The following EVL variants were observed in gnomAD, a reference collection of about 807,000 sequenced individuals.
EVL encodes ena/VASP-like protein.
EVL carries 21 observed loss-of-function variants against 59.6 expected under a neutral mutation model. The ratio of observed to expected loss-of-function variants is 0.35; its 90% CI spans 0.25 to 0.51. The LOEUF (loss-of-function observed/expected upper bound fraction) is 0.51. Ranked by LOEUF, EVL falls within the 20% of genes least tolerant of loss-of-function variation. The probability of loss-of-function intolerance (pLI) is 0.97; values close to 1 mark genes in which losing one functional copy is unlikely to be tolerated. For missense variants in EVL, 462 were observed against 546.6 expected, an observed-to-expected ratio of 0.85 and a Z score of 1.54; for synonymous variants, 198 against 203.5, an observed-to-expected ratio of 0.97 and a Z score of 0.23.
At position 100,054,346 on chromosome 14, in the gene EVL, C is replaced by T. The variant is rs2061694079; in HGVS notation, c.6-30341C>T. Among the ~76,000 whole-genome samples, 3 of 152,270 alleles carry T rather than the reference C, an allele frequency of 2.0e-5. No homozygotes were observed. In the South Asian group the frequency reaches 6.2e-4, roughly 32 times the overall value. Reference sequence around the variant, plus strand: ...GGGAATACAGGCGTGAGCCAGCGTGCCCGGCTGACGTTTTGACATCTTTAC... The same window carrying T: ...GGGAATACAGGCGTGAGCCAGCGTGTCCGGCTGACGTTTTGACATCTTTAC... On this transcript the variant is annotated intron_variant, in intron 1 of 13. Transcript: ENST00000402714.
At chr14:99,993,685 CTT>C (rs532512303) in intron 1 of EVL, among the ~76,000 whole-genome samples, 31 of 78,258 alleles carry the variant, frequency 4.0e-4, no homozygotes, top group Admixed American at 1.7e-3. Context: ...TTCTTTCTTT[CTT>C]TTTTTTTTTT....
At chr14:100,092,979 C>T (rs542033609) in intron 2 of EVL, among the ~76,000 whole-genome samples, 1 of 152,270 alleles carries the variant, frequency 6.6e-6, no homozygotes, top group African/African-American at 2.4e-5. Context: ...GCAGCCTCAC[C>T]CAAAAGTGGA....
At chr14:100,014,502 T>G (rs1439165073) in intron 1 of EVL, among the ~76,000 whole-genome samples, 1 of 152,248 alleles carries the variant, frequency 6.6e-6, no homozygotes, top group Admixed American at 6.5e-5. Context: ...ACTGTGTATA[T>G]GTACCACATT....
intron 10 of EVL, 25 bp downstream of exon 10, chr14:100,137,669 G>A: frequency 4.3e-6 from 7 of 1,614,176 alleles, no homozygotes; most frequent in Non-Finnish European, 5.9e-6. Flanking sequence ...GAAGGCCTGA[G>A]CAGCGAGGCT....
At chr14:99,980,971 C>A (rs2060802030) in intron 1 of EVL, among the ~76,000 whole-genome samples, 1 of 151,858 alleles carries the variant, frequency 6.6e-6, no homozygotes, top group Non-Finnish European at 1.5e-5. Flanking sequence ...TGTGGTGTCA[C>A]ATGCCTGTAA....
intron 1 of EVL, among the ~76,000 whole-genome samples, chr14:100,004,032 C>T (rs1258207950): frequency 8.5e-5 from 13 of 152,158 alleles, no homozygotes; most frequent in African/African-American, 4.8e-5. Flanking sequence ...GGCGAAAGCC[C>T]GTCCTTACTA....
At chr14:100,129,430 G>A (rs1888291380) in intron 6 of EVL, 133 bp from the exon 7 acceptor site, 1 of 1,265,766 alleles carries the variant, frequency 7.9e-7, no homozygotes, top group Admixed American at 2.1e-5. Flanking sequence ...GGACCAGATG[G>A]CCCCTGAGGC....
chr14:100,055,551 A>G (rs745962674), intron 1 of EVL, among the ~76,000 whole-genome samples: 4 of 152,206 alleles, frequency 2.6e-5, no homozygotes, highest in African/African-American at 9.6e-5. Context: ...CATGTATATG[A>G]TAGTTTAGAT....
At chr14:100,132,906 A>G (rs1888527847) in intron 8 of EVL, 127 bp downstream of exon 8, 1 of 1,055,684 alleles carries the variant, frequency 9.5e-7, no homozygotes, top group African/African-American at 1.6e-5. Context: ...GGTGATTCAC[A>G]GGAGGGGCGG....
intron 2 of EVL, among the ~76,000 whole-genome samples, chr14:100,087,460 T>C (rs1054058026): frequency 1.3e-5 from 2 of 152,012 alleles, no homozygotes; most frequent in East Asian, 3.9e-4. Context: ...TAAAAAAATA[T>C]ATAAATTATC....
rs1298146066 is a variant in EVL at position 100,016,093 on chromosome 14, AAAAT to A, written c.5+44037_5+44040del. The stretch of plus-strand genomic sequence containing the variant: ...GACTCTGTCTCAAAAAAAAAAAAAA[AAAAT>A]TAATTATTTATTAATTTAAAAATTT... On this transcript the variant is annotated intron_variant, in intron 1 of 13. Coordinates refer to the EVL transcript ENST00000402714. Among the ~76,000 whole-genome samples, 108 of 146,634 alleles carry A rather than the reference AAAAT, an allele frequency of 7.4e-4. 1 individual carries two copies. The highest frequency in any genetic ancestry group is 2.5e-3 in the African/African-American group (98 of 39,904).
In EVL at chr14:100,000,340, CTTT is replaced by C. The variant is rs60864913; in HGVS notation, c.5+28306_5+28308del. ...TAGATAAGAGACAAACTGTTGCATT[CTTT>C]TTTTTTTTTTTTTTTTTTTTTTGAG... On this transcript the variant is annotated intron_variant, in intron 1 of 13. Transcript: ENST00000402714. Among the ~76,000 whole-genome samples, 530 of 99,810 alleles carry C rather than the reference CTTT, an allele frequency of 5.3e-3. 2 individuals carry two copies. Among genetic ancestry groups the C allele is most frequent in the African/African-American group, 0.019 (504 of 26,144 alleles). 65.5% of individuals were successfully genotyped at this position (99,810 alleles called of 152,430 possible). A position where few individuals can be genotyped will look rare whatever the true frequency, so the allele number is the denominator to read the frequency against.
chr14:99,986,092 G>T (rs2060838319), intron 1 of EVL, among the ~76,000 whole-genome samples: 1 of 152,088 alleles, frequency 6.6e-6, no homozygotes, highest in African/African-American at 2.4e-5. Flanking sequence ...AGGAGTTCAA[G>T]ACCAGCCTGA....
At chr14:100,125,303 ACT>A (rs756860620) in intron 4 of EVL, among the ~76,000 whole-genome samples, 5 of 149,868 alleles carry the variant, frequency 3.3e-5, no homozygotes, top group South Asian at 2.1e-4. Flanking sequence ...CGGCAGGGAG[ACT>A]CTCGCTTGTC....
At chr14:99,978,613 G>A (rs1332720586) in intron 1 of EVL, among the ~76,000 whole-genome samples, 1 of 152,148 alleles carries the variant, frequency 6.6e-6, no homozygotes, top group Non-Finnish European at 1.5e-5. Flanking sequence ...CTTGGCTTTA[G>A]TACATGGATT....
chr14:100,086,398 G>A (rs1253195637), intron 2 of EVL, among the ~76,000 whole-genome samples: 1 of 152,172 alleles, frequency 6.6e-6, no homozygotes, highest in Admixed American at 6.5e-5. Flanking sequence ...GCTTGTGAGG[G>A]CAATACCTCC....
At chr14:100,115,056 A>G (rs954721379) in intron 3 of EVL, among the ~76,000 whole-genome samples, 2 of 149,110 alleles carry the variant, frequency 1.3e-5, no homozygotes, top group African/African-American at 2.5e-5. Context: ...AAAAAAAAAA[A>G]CAATGCAGTT....
At chr14:100,002,982 G>A (rs988682813) in intron 1 of EVL, among the ~76,000 whole-genome samples, 1 of 152,112 alleles carries the variant, frequency 6.6e-6, no homozygotes, top group South Asian at 2.1e-4. Context: ...AACCTTTATA[G>A]CCTTTATTAA....
At chr14:100,078,622 G>A (rs1208914291) in intron 1 of EVL, among the ~76,000 whole-genome samples, 1 of 152,144 alleles carries the variant, frequency 6.6e-6, no homozygotes, top group Non-Finnish European at 1.5e-5. Context: ...GTGACAAGAC[G>A]AGCTGGGTGG....
Sources: gnomAD v4.1 joint callset for allele counts (sites outside exome capture counted in the v4.1 genomes callset) on GRCh38, gnomAD v4.1.1 for gene constraint, MANE v1.5 for transcripts, NCBI Gene and HGNC (gene_info 2026-07-23, HGNC 2026-07-21) for gene names.